LDB2: variants seen among roughly 807,000 people sequenced by gnomAD.
LDB2 encodes the protein LIM domain-binding protein 2.
A neutral mutation model predicts 44.3 loss-of-function variants in LDB2; 12 were observed. The observed-to-expected ratio is 0.27, with a 90% CI of 0.17 to 0.44. LDB2 has a LOEUF of 0.44. LDB2 is among the 20% of genes least tolerant of loss of function. The pLI, the probability that LDB2 is intolerant of heterozygous loss-of-function variation, is 1.00. For missense variants in LDB2, 344 were observed against 473.5 expected, an observed-to-expected ratio of 0.73 and a Z score of 2.54; for synonymous variants, 164 against 174.8, an observed-to-expected ratio of 0.94 and a Z score of 0.49.
At chr4:16,658,493 G>A (rs1740554070) in intron 2 of LDB2, among the ~76,000 whole-genome samples, 1 of 152,046 alleles carries the variant, frequency 6.6e-6, no homozygotes, top group African/African-American at 2.4e-5. Context: ...GGAGTTTGGA[G>A]GACTCAGGAG....
At chr4:16,808,349 A>C (rs370767960) in intron 1 of LDB2, among the ~76,000 whole-genome samples, 1 of 152,192 alleles carries the variant, frequency 6.6e-6, no homozygotes. Context: ...CTTTCTTATA[A>C]GTCAGAAAGA....
chr4:16,729,000 G>C (rs999535764), intron 2 of LDB2, among the ~76,000 whole-genome samples: 1 of 152,158 alleles, frequency 6.6e-6, no homozygotes, highest in African/African-American at 2.4e-5. Flanking sequence ...TTTATTGGAA[G>C]GACTTGGGTA....
At chr4:16,602,823 G>A (rs563701175) in intron 2 of LDB2, among the ~76,000 whole-genome samples, 1 of 152,220 alleles carries the variant, frequency 6.6e-6, no homozygotes, top group African/African-American at 2.4e-5. Context: ...ACAGAGCTTT[G>A]GATCAAGCAA....
intron 2 of LDB2, among the ~76,000 whole-genome samples, chr4:16,713,918 A>G (rs140591864): frequency 0.011 from 1,675 of 152,292 alleles, 33 homozygotes; most frequent in African/African-American, 0.037. Context: ...GTGGATGTCC[A>G]TTGATAGATT....
At chr4:16,503,674 G>A (rs376865196) in intron 7 of LDB2, among the ~76,000 whole-genome samples, 2 of 152,104 alleles carry the variant, frequency 1.3e-5, no homozygotes, top group African/African-American at 2.4e-5. Context: ...AAAGAGAACC[G>A]GTCTGTCCAG....
chr4:16,829,386 G>A (rs533302010), intron 1 of LDB2, among the ~76,000 whole-genome samples: 6 of 151,984 alleles, frequency 3.9e-5, no homozygotes, highest in Non-Finnish European at 8.8e-5. Context: ...AGAAAATAAC[G>A]AACAAAAGAA....
chr4:16,528,862 A>G (rs1729149825), intron 5 of LDB2, among the ~76,000 whole-genome samples: 1 of 152,056 alleles, frequency 6.6e-6, no homozygotes, highest in Admixed American at 6.6e-5. Context: ...TCATTCTGGA[A>G]CTCAGCAAGA....
At chr4:16,608,386 A>G (rs2152459895) in intron 2 of LDB2, among the ~76,000 whole-genome samples, 1 of 152,322 alleles carries the variant, frequency 6.6e-6, no homozygotes, top group Middle Eastern at 3.4e-3. Flanking sequence ...GAAAAGGAAC[A>G]ACCGTTCCAA....
At chr4:16,581,487 A>C (rs1181560484) in intron 5 of LDB2, 1 of 965,932 alleles carries the variant, frequency 1.0e-6, no homozygotes, top group Non-Finnish European at 1.2e-6. Context: ...GGCTCAAAAC[A>C]CCTACTTTTG....
At chr4:16,514,082 C>G (rs189079455) in intron 5 of LDB2, among the ~76,000 whole-genome samples, 4 of 152,214 alleles carry the variant, frequency 2.6e-5, no homozygotes, top group Admixed American at 2.6e-4. Flanking sequence ...GCTGCGTTTC[C>G]CTATTCAGTT....
At chr4:16,666,277 G>A (rs1003394698) in intron 2 of LDB2, among the ~76,000 whole-genome samples, 6 of 152,116 alleles carry the variant, frequency 3.9e-5, no homozygotes, top group Admixed American at 2.6e-4. Context: ...TGGCTCACAC[G>A]GGAGCAATAA....
chr4:16,687,778 C>T (rs1749624778), intron 2 of LDB2, among the ~76,000 whole-genome samples: 1 of 151,792 alleles, frequency 6.6e-6, no homozygotes, highest in Non-Finnish European at 1.5e-5. Context: ...AAAAGGCTAA[C>T]ATGTAAGAAT....
chr4:16,516,007 G>A (rs1577305318), intron 5 of LDB2, among the ~76,000 whole-genome samples: 4 of 152,174 alleles, frequency 2.6e-5, no homozygotes, highest in African/African-American at 9.6e-5. Flanking sequence ...GAGACTACAG[G>A]CGCCCGCCAC....
intron 2 of LDB2, among the ~76,000 whole-genome samples, chr4:16,669,701 G>A (rs1744225454): frequency 6.6e-6 from 1 of 152,200 alleles, no homozygotes; most frequent in African/African-American, 2.4e-5. Context: ...TAGTGACAGA[G>A]CCAGAATTCT....
At chr4:16,696,991 T>C (rs1273788219) in intron 2 of LDB2, among the ~76,000 whole-genome samples, 2 of 152,112 alleles carry the variant, frequency 1.3e-5, no homozygotes, top group Non-Finnish European at 1.5e-5. Context: ...ATAAGCTATT[T>C]GGGGAGGGGA....
At chr4:16,800,856 T>C (rs1187547433) in intron 1 of LDB2, among the ~76,000 whole-genome samples, 1 of 152,182 alleles carries the variant, frequency 6.6e-6, no homozygotes, top group Non-Finnish European at 1.5e-5. Context: ...TTTGTATTTT[T>C]ACTAGAGACA....
intron 5 of LDB2, among the ~76,000 whole-genome samples, chr4:16,517,840 T>C (rs1724375143): frequency 6.6e-6 from 1 of 152,110 alleles, no homozygotes; most frequent in Non-Finnish European, 1.5e-5. Flanking sequence ...GACCCTTTGG[T>C]ATGAAATTTT....
chr4:16,717,181 AATAATAATG>A (rs1394038941), intron 2 of LDB2, among the ~76,000 whole-genome samples: 6 of 109,496 alleles, frequency 5.5e-5, no homozygotes, highest in African/African-American at 2.1e-4. Context: ...TAATAATAAT[AATAATAATG>A]ATGATGAGGA....
At position 16,742,246 on chromosome 4, in the gene LDB2, GT is replaced by G. The variant is rs1419789411; in HGVS notation, c.235+16911del. On this transcript the variant is annotated intron_variant, in intron 2 of 7. Transcript: ENST00000304523. ...GCCACCACACCCAATTAATTTTTGTGTTTTTATTAGAGACGGGGCTTCACCA... is the reference window on the plus strand; with the variant it reads ...GCCACCACACCCAATTAATTTTTGTGTTTTATTAGAGACGGGGCTTCACCA... Among the ~76,000 whole-genome samples, 9 of 151,770 alleles carry G rather than the reference GT, an allele frequency of 5.9e-5. No homozygotes were observed. In the East Asian group the frequency reaches 7.8e-4, roughly 13 times the overall value.
Sources: allele counts gnomAD v4.1 joint callset (sites outside exome capture counted in the v4.1 genomes callset), GRCh38; gene constraint gnomAD v4.1.1; transcripts MANE v1.5; gene names NCBI Gene and HGNC (gene_info 2026-07-23, HGNC 2026-07-21).